Variants in XYLT1 observed in about 807,000 individuals in gnomAD.
The protein encoded by XYLT1 is beta-D-xylosyltransferase 1.
A neutral mutation model predicts 91.3 loss-of-function variants in XYLT1; 36 were observed. The ratio of observed to expected loss-of-function variants is 0.39; its 90% CI spans 0.30 to 0.52. The LOEUF is 0.52. Ranked by LOEUF, XYLT1 falls within the 20% of genes least tolerant of loss-of-function variation. The probability of loss-of-function intolerance (pLI) is 0.68; values close to 1 mark genes in which losing one functional copy is unlikely to be tolerated. For missense variants in XYLT1, 1,242 were observed against 1,284.5 expected (o/e 0.97, Z 0.51); for synonymous variants, 588 against 532.0 (o/e 1.11, Z -1.45).
intron 5 of XYLT1, among the ~76,000 whole-genome samples, chr16:17,179,917 C>T (rs897252858): frequency 4.6e-5 from 7 of 152,196 alleles, no homozygotes; most frequent in African/African-American, 1.7e-4. Flanking sequence ...ATACTGCAAG[C>T]GGCCCACAGG....
rs775417708 is a variant in XYLT1, at chr16:17,337,336, T to C, written c.402+20676A>G. 3.3e-5 allele frequency among the ~76,000 whole-genome samples: 5 copies of C among 152,088 alleles called. No homozygotes were observed. In the South Asian group the frequency reaches 8.3e-4, roughly 25 times the overall value. On this transcript the variant is annotated intron_variant, in intron 2 of 11. Transcript: ENST00000261381. Reference sequence around the variant, plus strand: ...CCAGGTAGCTGGAACTATAAGCACATGCCACCACACCCAGCTAATTTTTTA... The same window carrying C: ...CCAGGTAGCTGGAACTATAAGCACACGCCACCACACCCAGCTAATTTTTTA...
intron 6 of XYLT1, among the ~76,000 whole-genome samples, chr16:17,148,399 A>G: frequency 6.6e-6 from 1 of 151,962 alleles, no homozygotes. Context: ...GTCTATTTCC[A>G]CTCACTAGAT....
chr16:17,131,728 A>G (rs529347447), intron 9 of XYLT1, among the ~76,000 whole-genome samples: 8 of 152,360 alleles, frequency 5.3e-5, no homozygotes, highest in African/African-American at 1.7e-4. Context: ...TTATTTAATG[A>G]AAGGTTATAT....
chr16:17,344,217 G>A (rs972675624), intron 2 of XYLT1, among the ~76,000 whole-genome samples: 9 of 151,866 alleles, frequency 5.9e-5, no homozygotes, highest in Middle Eastern at 3.4e-3. Flanking sequence ...GTCCCAGGCC[G>A]GGTGCCTGTA....
At chr16:17,267,720 T>A (rs1195920033) in intron 2 of XYLT1, among the ~76,000 whole-genome samples, 1 of 152,154 alleles carries the variant, frequency 6.6e-6, no homozygotes, top group Non-Finnish European at 1.5e-5. Context: ...AGACTGAGAC[T>A]TTTTGGAAAG....
intron 3 of XYLT1, among the ~76,000 whole-genome samples, chr16:17,211,430 G>A (rs1325502358): frequency 3.3e-5 from 5 of 152,122 alleles, no homozygotes; most frequent in Admixed American, 3.3e-4. Context: ...TGGGCTTTTG[G>A]GACAGCACCT....
Position 17,141,285 on chromosome 16 carries a change from C to G in XYLT1, c.1455G>C (p.Glu485Asp). ...CCGAACCGCCATCCACGGCAATGCC[C>G]TCTGGGATCCGCCGATCTCCCAGGC... Reference protein sequence around the residue: ...MWRLGDRRIPEGIAVDGGSDW... With the variant: ...MWRLGDRRIPDGIAVDGGSDW... The change falls in exon 7 of 12, where the codon GAG (glutamate) becomes GAC (aspartate). Residue 485 changes from glutamate (E) to aspartate (D), a missense_variant. By Grantham distance (45) the Glu-to-Asp change is conservative. Transcript: ENST00000261381. The G allele has an allele frequency of 3.1e-6, 5 of 1,614,172 alleles. No individual in the cohort carries two copies. Among genetic ancestry groups the G allele is most frequent in the Non-Finnish European group, 4.2e-6 (5 of 1,180,028 alleles).
At chr16:17,224,958 T>C (rs1019904865) in intron 3 of XYLT1, among the ~76,000 whole-genome samples, 1 of 152,120 alleles carries the variant, frequency 6.6e-6, no homozygotes, top group Non-Finnish European at 1.5e-5. Context: ...CCAAAACAAA[T>C]GAGTGTGGCT....
At chr16:17,244,087 G>C (rs2033395054) in intron 3 of XYLT1, among the ~76,000 whole-genome samples, 1 of 152,136 alleles carries the variant, frequency 6.6e-6, no homozygotes, top group South Asian at 2.1e-4. Context: ...GACGTCCCGA[G>C]GGGCTCAGTA....
At chr16:17,131,117 C>G (rs2030453443) in intron 9 of XYLT1, among the ~76,000 whole-genome samples, 1 of 152,170 alleles carries the variant, frequency 6.6e-6, no homozygotes, top group South Asian at 2.1e-4. Flanking sequence ...GCCTAACACA[C>G]AGGCTGACAC....
chr16:17,379,755 T>TCACACACA lies in XYLT1; in HGVS notation c.364-21706_364-21705insTGTGTGTG, dbSNP rs1164558348. On this transcript the variant is annotated intron_variant, in intron 1 of 11. Coordinates refer to ENST00000261381, the MANE Select transcript of XYLT1 (RefSeq NM_022166.4). ...CTCTCTCTCTCTCTCTCTCTCTCTC[T>TCACACACA]CTCTCTCTCACACACACACACACAC... 7.9e-3 allele frequency among the ~76,000 whole-genome samples: 1,026 copies of TCACACACA among 130,066 alleles called. 5 individuals are homozygous for TCACACACA. The highest frequency in any genetic ancestry group is 0.011 in the South Asian group (46 of 4,068). 85.3% of individuals were successfully genotyped at this position (130,066 alleles called of 152,430 possible).
At chr16:17,161,963 T>C (rs1020944092) in intron 5 of XYLT1, among the ~76,000 whole-genome samples, 1 of 152,128 alleles carries the variant, frequency 6.6e-6, no homozygotes, top group Non-Finnish European at 1.5e-5. Context: ...CTGGGAGCCA[T>C]ATGAGAATCT....
chr16:17,159,853 T>A (rs2031504849), intron 5 of XYLT1, among the ~76,000 whole-genome samples: 1 of 152,248 alleles, frequency 6.6e-6, no homozygotes, highest in Non-Finnish European at 1.5e-5. Flanking sequence ...CGGGTCTCCA[T>A]CTGCCAGAAA....
chr16:17,355,501 G>C (rs907918205), intron 2 of XYLT1: 2 of 152,206 alleles, frequency 1.3e-5, no homozygotes, highest in Non-Finnish European at 2.9e-5. Flanking sequence ...AGACTGGGTA[G>C]AGACACGTTT....
intron 1 of XYLT1, among the ~76,000 whole-genome samples, chr16:17,398,691 C>T (rs189638182): frequency 6.6e-5 from 10 of 152,170 alleles, no homozygotes; most frequent in African/African-American, 2.4e-4. Flanking sequence ...CCATGCCCCT[C>T]TCCTGGCTTC....
chr16:17,141,824 A>G (rs1463364263), intron 6 of XYLT1, among the ~76,000 whole-genome samples: 1 of 152,242 alleles, frequency 6.6e-6, no homozygotes, highest in East Asian at 1.9e-4. Context: ...ACAGCGAAAA[A>G]TAAAAATCCA....
At chr16:17,408,796 A>G (rs1310210737) in intron 1 of XYLT1, among the ~76,000 whole-genome samples, 1 of 152,164 alleles carries the variant, frequency 6.6e-6, no homozygotes, top group Non-Finnish European at 1.5e-5. Context: ...CGGTGACCCA[A>G]GAGATCGCAC....
intron 3 of XYLT1, chr16:17,251,149 GTCTC>G (rs1433591042): frequency 6.6e-6 from 1 of 152,342 alleles, no homozygotes; most frequent in Non-Finnish European, 1.5e-5. Flanking sequence ...TCATCTGCCA[GTCTC>G]TCTCTGCAGC....
rs533014219 is a variant in XYLT1 at position 17,188,134 on chromosome 16, TCTGCC to T, written c.1289+10073_1289+10077del. On this transcript the variant is annotated intron_variant, in intron 5 of 11. Coordinates refer to ENST00000261381, the MANE Select transcript of XYLT1 (RefSeq NM_022166.4). Reference sequence around the variant, plus strand: ...ATGGCTTCCTTCTAGGACACCTGCTTCTGCCTGGAGGTTTGGAGAATAGGGGGCTC... The same window carrying T: ...ATGGCTTCCTTCTAGGACACCTGCTTTGGAGGTTTGGAGAATAGGGGGCTC... Among the ~76,000 whole-genome samples the T allele has an allele frequency of 2.0e-3, 308 of 152,162 alleles. 1 individual carries two copies. The highest frequency in any genetic ancestry group is 7.2e-3 in the African/African-American group (299 of 41,528).
Sources: gnomAD v4.1 joint callset for allele counts (sites outside exome capture counted in the v4.1 genomes callset) on GRCh38, gnomAD v4.1.1 for gene constraint, MANE v1.5 for transcripts, NCBI Gene and HGNC (gene_info 2026-07-23, HGNC 2026-07-21) for gene names.